BACH2: variants seen among roughly 807,000 people sequenced by gnomAD.
BACH2 encodes BACH transcriptional regulator 2.
In BACH2, 5 loss-of-function variants were observed where a neutral mutation model predicts 61.8. The ratio of observed to expected loss-of-function variants is 0.08; its 90% CI spans 0.04 to 0.17. BACH2 has a LOEUF of 0.17. BACH2 is among the 10% of genes least tolerant of loss of function. The pLI is 1.00. For synonymous variants in BACH2, 446 were observed against 440.1 expected, an observed-to-expected ratio of 1.01 and a Z score of -0.17; for missense variants, 824 against 1,091.1, an observed-to-expected ratio of 0.76 and a Z score of 3.45.
At chr6:90,031,304 T>C (rs976378937) in intron 5 of BACH2, among the ~76,000 whole-genome samples, 13 of 152,152 alleles carry the variant, frequency 8.5e-5, no homozygotes, top group African/African-American at 2.9e-4. Flanking sequence ...AAGACAGGGA[T>C]GCCCTCTCTC....
intron 5 of BACH2, among the ~76,000 whole-genome samples, chr6:90,035,621 T>C (rs1232650650): frequency 6.6e-6 from 1 of 152,038 alleles, no homozygotes; most frequent in African/African-American, 2.4e-5. Context: ...GTGTGTCTTG[T>C]TGGGACCGGG....
At position 90,099,464 on chromosome 6, in the gene BACH2, G is replaced by C. The variant is rs561673135; in HGVS notation, c.-161-10355C>G. Reference sequence around the variant, plus strand: ...CGTGATCATAGCTCACTGCATCCTCGAACTCTTGGGCTCAAGCGATCCTCC... The same window carrying C: ...CGTGATCATAGCTCACTGCATCCTCCAACTCTTGGGCTCAAGCGATCCTCC... On this transcript the variant is annotated intron_variant, in intron 4 of 8. Coordinates refer to ENST00000257749, the MANE Select transcript of BACH2 (RefSeq NM_021813.4). 5.3e-5 allele frequency among the ~76,000 whole-genome samples: 8 copies of C among 152,194 alleles called. No individual in the cohort carries two copies. In the South Asian group the frequency reaches 1.7e-3, roughly 32 times the overall value.
chr6:89,950,882 C>T lies in BACH2; in HGVS notation c.1224G>A (p.Gly408=). 1 of 1,605,046 alleles carries T rather than the reference C, an allele frequency of 6.2e-7. No individual in the cohort carries two copies. Among genetic ancestry groups the T allele is most frequent in the South Asian group, 1.1e-5 (1 of 90,112 alleles). Residue 408 remains glycine (G), a synonymous_variant, in exon 7 of 9, where the codon GGG becomes GGA. Coordinates refer to ENST00000257749, the MANE Select transcript of BACH2 (RefSeq NM_021813.4). The surrounding 1 kb of genome is among the most constrained non-coding windows in gnomAD (Gnocchi z 5.3). ...GQKEVSNFTM[G]SPLRGPGLEA... ...CCAACCCAGGCCCCCTGAGGGGCGACCCCATGGTGAAGTTGGACACCTCCT... is the reference window on the plus strand; with the variant it reads ...CCAACCCAGGCCCCCTGAGGGGCGATCCCATGGTGAAGTTGGACACCTCCT...
At chr6:90,233,565 C>T (rs1582514948) in intron 3 of BACH2, among the ~76,000 whole-genome samples, 1 of 152,290 alleles carries the variant, frequency 6.6e-6, no homozygotes, top group East Asian at 1.9e-4. Context: ...AGGTACCTCG[C>T]CTGACAATTG....
At chr6:90,146,461 T>A in intron 4 of BACH2, among the ~76,000 whole-genome samples, 1 of 152,236 alleles carries the variant, frequency 6.6e-6, no homozygotes, top group East Asian at 1.9e-4. Context: ...ACAGATTCTG[T>A]CACTGGCATA....
intron 5 of BACH2, among the ~76,000 whole-genome samples, chr6:90,047,930 TA>T (rs1779865927): frequency 6.6e-6 from 1 of 152,170 alleles, no homozygotes; most frequent in Non-Finnish European, 1.5e-5. Flanking sequence ...AGTCTCTTGG[TA>T]AATCTCTCCT....
chr6:90,045,440 G>A (rs965342435), intron 5 of BACH2, among the ~76,000 whole-genome samples: 5 of 152,172 alleles, frequency 3.3e-5, no homozygotes, highest in Non-Finnish European at 7.3e-5. Flanking sequence ...TACACAACAC[G>A]TTTCAAATTA....
chr6:90,271,106 C>G (rs1253257295), intron 2 of BACH2, among the ~76,000 whole-genome samples: 1 of 151,994 alleles, frequency 6.6e-6, no homozygotes, highest in Non-Finnish European at 1.5e-5. Context: ...AATCTAAGAC[C>G]TGAAACCATA....
chr6:90,026,981 T>C (rs1778669557), intron 5 of BACH2, among the ~76,000 whole-genome samples: 1 of 152,184 alleles, frequency 6.6e-6, no homozygotes, highest in South Asian at 2.1e-4. Context: ...GAAAGTCATC[T>C]AGCTTGAGGG....
At position 90,013,300 on chromosome 6, in the gene BACH2, T is replaced by C. The variant is rs7772122; in HGVS notation, c.-12-4444A>G. The stretch of plus-strand genomic sequence containing the variant: ...GCATTGTCTAGAAGCTCTAGTTCAA[T>C]GCTGAATAGAGGTGATGAGACTAAA... On this transcript the variant is annotated intron_variant, in intron 5 of 8. Transcript: ENST00000257749. Among the ~76,000 whole-genome samples, 5 of 152,214 alleles carry C rather than the reference T, an allele frequency of 3.3e-5. No individual in the cohort carries two copies. In the East Asian group the frequency reaches 9.6e-4, roughly 29 times the overall value.
intron 4 of BACH2, among the ~76,000 whole-genome samples, chr6:90,103,032 T>A (rs1394983402): frequency 0.012 from 1,329 of 114,284 alleles, 3 homozygotes; most frequent in African/African-American, 0.02. Context: ...TATATATATT[T>A]TTTTTTTTTT....
chr6:90,256,949 C>T (rs932976233), intron 2 of BACH2, among the ~76,000 whole-genome samples: 26 of 152,180 alleles, frequency 1.7e-4, no homozygotes, highest in Non-Finnish European at 2.9e-5. Context: ...TTTTTTGGTT[C>T]CACATATAAG....
intron 4 of BACH2, among the ~76,000 whole-genome samples, chr6:90,184,846 T>C (rs1193434661): frequency 2.0e-5 from 3 of 152,220 alleles, no homozygotes; most frequent in South Asian, 4.1e-4. Context: ...AGAGGGCTGG[T>C]GATTTTTACA....
chr6:90,038,644 C>T (rs1229891787), intron 5 of BACH2, among the ~76,000 whole-genome samples: 1 of 152,180 alleles, frequency 6.6e-6, no homozygotes, highest in Non-Finnish European at 1.5e-5. Context: ...TTTCTAGAGG[C>T]CACGAGTGTC....
At chr6:89,976,918 CTTCACCAGAA>C (rs1775682853) in intron 6 of BACH2, among the ~76,000 whole-genome samples, 1 of 152,226 alleles carries the variant, frequency 6.6e-6, no homozygotes, top group Admixed American at 6.5e-5. Flanking sequence ...TTATCTACTA[CTTCACCAGAA>C]AAAGGTCTGC....
chr6:90,185,761 C>G (rs543082557), intron 4 of BACH2, among the ~76,000 whole-genome samples: 1 of 152,162 alleles, frequency 6.6e-6, no homozygotes, highest in Non-Finnish European at 1.5e-5. Flanking sequence ...CTGGTCTTCA[C>G]GTCTACACAC....
rs531084428 is a variant in BACH2 at position 90,141,529 on chromosome 6, A to G, written c.-161-52420T>C. Among the ~76,000 whole-genome samples the G allele has an allele frequency of 2.0e-5, 3 of 149,502 alleles. No individual in the cohort carries two copies. The East Asian group carries it at 5.9e-4, about 29-fold the overall frequency. On this transcript the variant is annotated intron_variant, in intron 4 of 8. Coordinates refer to ENST00000257749, the MANE Select transcript of BACH2 (RefSeq NM_021813.4). ...TTTAAACCAATGAATCTATATTACC[A>G]TATATACCTGAATATAAGGTAGCCT...
chr6:89,961,755 C>T (rs1774756574), intron 6 of BACH2, among the ~76,000 whole-genome samples: 1 of 152,064 alleles, frequency 6.6e-6, no homozygotes, highest in Non-Finnish European at 1.5e-5. Flanking sequence ...CTCTGAACCA[C>T]ACTGCCTGCG....
chr6:89,941,610 C>T (rs1326736367), intron 7 of BACH2, among the ~76,000 whole-genome samples: 1 of 152,200 alleles, frequency 6.6e-6, no homozygotes, highest in Non-Finnish European at 1.5e-5. Context: ...TGATTTCCCT[C>T]TTATACCCGT....
Sources: allele counts gnomAD v4.1 joint callset (sites outside exome capture counted in the v4.1 genomes callset), GRCh38; gene constraint gnomAD v4.1.1; non-coding constraint Gnocchi (gnomAD v3.1); transcripts MANE v1.5; gene names NCBI Gene and HGNC (gene_info 2026-07-23, HGNC 2026-07-21).